PIGK: variants seen among roughly 807,000 people sequenced by gnomAD.
PIGK encodes GPI-anchor transamidase.
In PIGK, 42 loss-of-function variants were observed where a neutral mutation model predicts 50.6. That is an observed-to-expected ratio of 0.83 (90% CI 0.65 to 1.07). PIGK has a LOEUF of 1.07. Ranked by LOEUF, PIGK falls within the 50% of genes least tolerant of loss-of-function variation. The pLI is 0.00. For synonymous variants in PIGK, 151 were observed against 156.0 expected, an observed-to-expected ratio of 0.97 and a Z score of 0.24; for missense variants, 448 against 488.7, an observed-to-expected ratio of 0.92 and a Z score of 0.78.
At chr1:77,108,910 C>T (rs1347237274) in intron 10 of PIGK, among the ~76,000 whole-genome samples, 1 of 152,126 alleles carries the variant, frequency 6.6e-6, no homozygotes, top group Non-Finnish European at 1.5e-5. Flanking sequence ...GCATTTGTCA[C>T]GTAGTTCTTG....
chr1:77,138,860 C>T (rs1654581948), intron 9 of PIGK, among the ~76,000 whole-genome samples: 1 of 152,116 alleles, frequency 6.6e-6, no homozygotes, highest in Admixed American at 6.5e-5. Flanking sequence ...AATTGCTCAA[C>T]TTTAAATTTC....
intron 3 of PIGK, among the ~76,000 whole-genome samples, chr1:77,196,277 C>T (rs1001397277): frequency 6.6e-6 from 1 of 151,586 alleles, no homozygotes. Context: ...GTAAACAGTG[C>T]TGCAATGAAA....
intron 3 of PIGK, among the ~76,000 whole-genome samples, chr1:77,187,040 C>T (rs72992505): frequency 0.016 from 2,450 of 152,248 alleles, 66 homozygotes; most frequent in African/African-American, 0.054. Context: ...CCTTATCCAC[C>T]GTCATGGTAT....
chr1:77,121,131 C>T (rs1654086549), intron 10 of PIGK, among the ~76,000 whole-genome samples: 1 of 152,186 alleles, frequency 6.6e-6, no homozygotes, highest in African/African-American at 2.4e-5. Flanking sequence ...ACTGTTTCAT[C>T]GCTCACTCTT....
intron 9 of PIGK, among the ~76,000 whole-genome samples, chr1:77,133,146 C>T (rs533160261): frequency 6.6e-6 from 1 of 152,068 alleles, no homozygotes; most frequent in South Asian, 2.1e-4. Flanking sequence ...GTTATTTACA[C>T]ACATGTTGGA....
intron 9 of PIGK, among the ~76,000 whole-genome samples, chr1:77,143,140 T>A (rs1371710874): frequency 6.6e-6 from 1 of 152,174 alleles, no homozygotes; most frequent in Admixed American, 6.6e-5. Context: ...AATCAATTTT[T>A]AAAATGGAAT....
intron 3 of PIGK, among the ~76,000 whole-genome samples, chr1:77,198,450 T>C (rs1213118581): frequency 6.6e-6 from 1 of 152,002 alleles, no homozygotes; most frequent in African/African-American, 2.4e-5. Context: ...GATTAAAGAA[T>C]GTTTTAAAGG....
At chr1:77,217,888 G>A (rs1386966614) in intron 1 of PIGK, among the ~76,000 whole-genome samples, 1 of 152,138 alleles carries the variant, frequency 6.6e-6, no homozygotes, top group Admixed American at 6.5e-5. Flanking sequence ...AAAAAGCACA[G>A]CAATTATGTA....
At chr1:77,101,021 A>G (rs1035411577) in intron 10 of PIGK, among the ~76,000 whole-genome samples, 3 of 152,196 alleles carry the variant, frequency 2.0e-5, no homozygotes, top group Non-Finnish European at 2.9e-5. Flanking sequence ...TGACTCATGG[A>G]AAGTGCGAGA....
chr1:77,148,040 AAT>A (rs1654809809), intron 9 of PIGK, among the ~76,000 whole-genome samples: 3 of 152,222 alleles, frequency 2.0e-5, no homozygotes, highest in African/African-American at 7.2e-5. Flanking sequence ...CTGTTTCCCT[AAT>A]ATGTGTAGAA....
At chr1:77,208,680 A>T (rs1055611335) in intron 2 of PIGK, among the ~76,000 whole-genome samples, 4 of 152,102 alleles carry the variant, frequency 2.6e-5, no homozygotes, top group African/African-American at 9.7e-5. Context: ...CTTCAGAAAA[A>T]TTTCTTGTGA....
At chr1:77,129,280 A>T (rs1325392440) in intron 9 of PIGK, 5 of 1,607,626 alleles carry the variant, frequency 3.1e-6, no homozygotes, top group Middle Eastern at 4.3e-4. Flanking sequence ...TTACAGAAAC[A>T]GTGTGTACCA....
chr1:77,189,694 CATATATATATATATAT>C (rs71075728), intron 3 of PIGK, among the ~76,000 whole-genome samples: 430 of 71,006 alleles, frequency 6.1e-3, no homozygotes, highest in South Asian at 0.014. Flanking sequence ...ACAATAAACT[CATATATATATATATAT>C]ATATATATAT....
chr1:77,213,390 C>G (rs533634121), intron 1 of PIGK, among the ~76,000 whole-genome samples: 2 of 152,262 alleles, frequency 1.3e-5, no homozygotes, highest in Non-Finnish European at 2.9e-5. Flanking sequence ...TAGAAAAGAA[C>G]TAGCAATCAA....
intron 1 of PIGK, among the ~76,000 whole-genome samples, chr1:77,211,238 A>C (rs1656413472): frequency 6.6e-6 from 1 of 151,846 alleles, no homozygotes; most frequent in African/African-American, 2.4e-5. Context: ...TAAGTTTGGC[A>C]TATAGTGGGT....
intron 3 of PIGK, among the ~76,000 whole-genome samples, chr1:77,187,104 A>G (rs1779188): frequency 0.39 from 58,992 of 152,046 alleles, 13,483 homozygotes; most frequent in African/African-American, 0.62. Context: ...AAAGAAGTGC[A>G]GCAGTGGGCT....
At chr1:77,095,560 C>T (rs1434929540) in intron 10 of PIGK, among the ~76,000 whole-genome samples, 1 of 152,036 alleles carries the variant, frequency 6.6e-6, no homozygotes, top group East Asian at 1.9e-4. Context: ...TAATTCCCAG[C>T]AAGCAATATG....
At position 77,219,317 on chromosome 1, in the gene PIGK, T is replaced by G. The variant is rs781232088; in HGVS notation, c.86A>C (p.His29Pro). ...AATGAGCCTGACTCCTACCTCGATATGACTAGCGGCCACGCTGCCGAAGGA... is the reference window on the plus strand; with the variant it reads ...AATGAGCCTGACTCCTACCTCGATAGGACTAGCGGCCACGCTGCCGAAGGA... ...LLSFGSVAASHIEDQAEQFFR... is the reference protein window; with the variant it reads ...LLSFGSVAASPIEDQAEQFFR... Residue 29 changes from histidine (H) to proline (P), a missense_variant, in exon 1 of 11, where the codon CAT (histidine) becomes CCT (proline). Transcript: ENST00000370812. The G allele has an allele frequency of 6.2e-7, 1 of 1,613,382 alleles. No homozygotes were observed. Among genetic ancestry groups the G allele is most frequent in the Non-Finnish European group, 8.5e-7 (1 of 1,179,498 alleles).
intron 3 of PIGK, among the ~76,000 whole-genome samples, chr1:77,173,908 T>C (rs1235098181): frequency 6.6e-6 from 1 of 152,230 alleles, no homozygotes; most frequent in Non-Finnish European, 1.5e-5. Context: ...TTTCTCTTAG[T>C]CTCCACCTTC....
Sources: allele counts gnomAD v4.1 joint callset (sites outside exome capture counted in the v4.1 genomes callset), GRCh38; gene constraint gnomAD v4.1.1; transcripts MANE v1.5; gene names NCBI Gene and HGNC (gene_info 2026-07-23, HGNC 2026-07-21).